PBX1: variants seen among roughly 807,000 people sequenced by gnomAD.
PBX1 encodes pre-B-cell leukemia transcription factor 1.
In PBX1, 6 loss-of-function variants were observed where a neutral mutation model predicts 53.4. The observed-to-expected ratio is 0.11, with a 90% confidence interval of 0.06 to 0.22. The LOEUF is 0.22. PBX1 is among the 10% of genes least tolerant of loss of function. The pLI, the probability that PBX1 is intolerant of heterozygous loss-of-function variation, is 1.00. For synonymous variants in PBX1, 204 were observed against 212.3 expected (o/e 0.96, Z 0.34); for missense variants, 251 against 551.4 (o/e 0.46, Z 5.46).
chr1:164,664,807 C>T (rs1425571004), intron 2 of PBX1, among the ~76,000 whole-genome samples: 3 of 152,136 alleles, frequency 2.0e-5, no homozygotes, highest in African/African-American at 2.4e-5. Context: ...GGGGAACTCC[C>T]CGTTGTAATA....
intron 8 of PBX1, among the ~76,000 whole-genome samples, chr1:164,835,131 C>G (rs1270693420): frequency 1.3e-5 from 2 of 151,858 alleles, no homozygotes; most frequent in African/African-American, 4.8e-5. Flanking sequence ...ATTAAACATT[C>G]TTCTCAAGCA....
intron 4 of PBX1, among the ~76,000 whole-genome samples, chr1:164,803,814 T>C (rs934846678): frequency 2.0e-5 from 3 of 152,178 alleles, no homozygotes; most frequent in African/African-American, 7.2e-5. Flanking sequence ...TCACATAAAA[T>C]TGCACTGGAT....
chr1:164,617,360 G>A (rs547117118), intron 2 of PBX1, among the ~76,000 whole-genome samples: 32 of 152,326 alleles, frequency 2.1e-4, no homozygotes, highest in South Asian at 8.3e-4. Flanking sequence ...GGCACAGACC[G>A]CTAGATCAGC....
At chr1:164,639,926 A>G (rs1490947718) in intron 2 of PBX1, among the ~76,000 whole-genome samples, 2 of 152,054 alleles carry the variant, frequency 1.3e-5, no homozygotes, top group Admixed American at 1.3e-4. Context: ...GCCTCTCAAA[A>G]TGTTGGGATT....
chr1:164,577,605 C>A (rs915838180), intron 2 of PBX1, among the ~76,000 whole-genome samples: 2 of 152,158 alleles, frequency 1.3e-5, no homozygotes, highest in Admixed American at 6.5e-5. Flanking sequence ...GATTATTATT[C>A]TTAAGTGTAT....
chr1:164,843,909 C>T (rs1671427067), intron 8 of PBX1, among the ~76,000 whole-genome samples: 1 of 152,016 alleles, frequency 6.6e-6, no homozygotes, highest in Admixed American at 6.5e-5. Flanking sequence ...CTAATGGCTT[C>T]ATTTTTTGCA....
chr1:164,848,660 C>T lies in PBX1; in HGVS notation c.*1984C>T. Reference sequence around the variant, plus strand: ...CAAACTAGAAAAACAGGCCCTGGTTCCCTTAGTTTGCACTTGAACCCAATA... The same window carrying T: ...CAAACTAGAAAAACAGGCCCTGGTTTCCTTAGTTTGCACTTGAACCCAATA... On this transcript the variant is annotated 3_prime_UTR_variant, in exon 9 of 9. Transcript: ENST00000420696. 9.5e-7 allele frequency: 1 copy of T among 1,056,112 alleles called. No individual in the cohort carries two copies. Among genetic ancestry groups the T allele is most frequent in the South Asian group, 4.6e-5 (1 of 21,882 alleles). The allele number at this position is 1,056,112 out of a possible 1,614,324, so 65.4% of individuals were successfully genotyped here.
chr1:164,688,052 C>A (rs114780246), intron 2 of PBX1, among the ~76,000 whole-genome samples: 1 of 152,292 alleles, frequency 6.6e-6, no homozygotes, highest in Non-Finnish European at 1.5e-5. Context: ...AGGAACTAAT[C>A]TTTGTGGCAA....
At chr1:164,735,640 A>C (rs1665225956) in intron 2 of PBX1, among the ~76,000 whole-genome samples, 1 of 152,210 alleles carries the variant, frequency 6.6e-6, no homozygotes, top group African/African-American at 2.4e-5. Context: ...GTGGGGTAAC[A>C]CTGATGACTA....
In PBX1 at chr1:164,875,988, G is replaced by GTATATATATATATATATA. The variant is rs369277110; in HGVS notation, n.258-23199_258-23182dup. Reference sequence around the variant, plus strand: ...ATACCTATATATATTTGGTGTATGTGTATATATATATATATATACACACAT... The same window carrying GTATATATATATATATATA: ...ATACCTATATATATTTGGTGTATGTGTATATATATATATATATATATATATATATATATATACACACAT... On this transcript the variant is annotated intron_variant and non_coding_transcript_variant, in intron 2 of 2. Coordinates refer to the PBX1 transcript ENST00000558796. 5.3e-3 allele frequency among the ~76,000 whole-genome samples: 301 copies of GTATATATATATATATATA among 56,728 alleles called. 19 individuals are homozygous for GTATATATATATATATATA. Among genetic ancestry groups the GTATATATATATATATATA allele is most frequent in the East Asian group, 0.021 (23 of 1,076 alleles). 37.2% of individuals were successfully genotyped at this position (56,728 alleles called of 152,430 possible).
chr1:164,568,821 A>G (rs1379287691), intron 2 of PBX1, among the ~76,000 whole-genome samples: 1 of 152,226 alleles, frequency 6.6e-6, no homozygotes, highest in Non-Finnish European at 1.5e-5. Flanking sequence ...GGAACTTAGC[A>G]GAGTGATCCC....
At chr1:164,684,634 A>G (rs1056715662) in intron 2 of PBX1, 2 of 152,208 alleles carry the variant, frequency 1.3e-5, no homozygotes, top group African/African-American at 2.4e-5. Context: ...ATCAAGATAC[A>G]TGAAGAAGTT....
intron 2 of PBX1, among the ~76,000 whole-genome samples, chr1:164,583,389 G>T (rs560072550): frequency 5.9e-5 from 9 of 152,274 alleles, no homozygotes; most frequent in African/African-American, 1.7e-4. Context: ...AGGGAAGAGG[G>T]TTCCATTCCT....
At chr1:164,684,565 T>G (rs1352859960) in intron 2 of PBX1, 1 of 152,232 alleles carries the variant, frequency 6.6e-6, no homozygotes, top group Non-Finnish European at 1.5e-5. Context: ...CTGAAAAGAC[T>G]GTATTTAGAT....
chr1:164,649,317 G>A (rs1050968734), intron 2 of PBX1, among the ~76,000 whole-genome samples: 2 of 152,114 alleles, frequency 1.3e-5, no homozygotes, highest in African/African-American at 4.8e-5. Context: ...TTCCTTCAGG[G>A]ATTACAGTGC....
At chr1:164,707,534 C>G (rs1265403769) in intron 2 of PBX1, among the ~76,000 whole-genome samples, 1 of 151,878 alleles carries the variant, frequency 6.6e-6, no homozygotes, top group East Asian at 1.9e-4. Flanking sequence ...TGAATTCACT[C>G]CAGCTACATA....
At chr1:164,877,618 G>A (rs112233010) in intron 2 of PBX1, among the ~76,000 whole-genome samples, 36 of 151,834 alleles carry the variant, frequency 2.4e-4, no homozygotes, top group Admixed American at 3.3e-4. Flanking sequence ...AGCTGAGATC[G>A]CGCCACTGCA....
At position 164,849,227 on chromosome 1, in the gene PBX1, A is replaced by C; in HGVS notation, c.*2551A>C. ...ATGTTAAGTTAATGCAAAAGATCAG[A>C]ACAGGGCTACATTTGCACAGGCAGT... On this transcript the variant is annotated 3_prime_UTR_variant, in exon 9 of 9. Coordinates refer to ENST00000420696, the MANE Select transcript of PBX1 (RefSeq NM_002585.4). 1.3e-6 allele frequency: 2 copies of C among 1,497,966 alleles called. No homozygotes were observed. Among genetic ancestry groups the C allele is most frequent in the Non-Finnish European group, 1.8e-6 (2 of 1,125,082 alleles). The allele number at this position is 1,497,966 out of a possible 1,614,324, so 92.8% of individuals were successfully genotyped here.
chr1:164,876,005 T>TATATATATATATATATATATAC (rs1487676214), intron 2 of PBX1, among the ~76,000 whole-genome samples: 4 of 56,838 alleles, frequency 7.0e-5, no homozygotes, highest in South Asian at 1.2e-3. Flanking sequence ...TATATATATA[T>TATATATATATATATATATATAC]ACACACATAC....
Sources: allele counts gnomAD v4.1 joint callset (sites outside exome capture counted in the v4.1 genomes callset), GRCh38; gene constraint gnomAD v4.1.1; transcripts MANE v1.5; gene names NCBI Gene and HGNC (gene_info 2026-07-23, HGNC 2026-07-21).